Variants in CASZ1 observed in about 807,000 individuals in gnomAD.
CASZ1 encodes castor zinc finger 1, also known as zinc finger protein castor homolog 1.
CASZ1 carries 28 observed loss-of-function variants against 135.2 expected under a neutral mutation model. The ratio of observed to expected loss-of-function variants is 0.21; its 90% CI spans 0.15 to 0.28. CASZ1 has a LOEUF of 0.28. CASZ1 is among the 10% of genes least tolerant of loss of function. The probability of loss-of-function intolerance (pLI) is 1.00; values close to 1 mark genes in which losing one functional copy is unlikely to be tolerated. For synonymous variants in CASZ1, 1,068 were observed against 1,073.4 expected, an observed-to-expected ratio of 0.99 and a Z score of 0.10; for missense variants, 2,161 against 2,453.3, an observed-to-expected ratio of 0.88 and a Z score of 2.52.
intron 15 of CASZ1, chr1:10,648,358 A>T (rs1477489498): frequency 3.5e-5 from 17 of 485,712 alleles, no homozygotes; most frequent in Non-Finnish European, 6.1e-5. Flanking sequence ...CTTGGGCCTA[A>T]CCATGCCTTC....
Position 10,777,330 on chromosome 1 carries a change from G to A in CASZ1, c.-233-16473C>T, listed in dbSNP as rs1308284607. Among the ~76,000 whole-genome samples, 1 of 152,022 alleles carries A rather than the reference G, an allele frequency of 6.6e-6. No homozygotes were observed. The highest frequency in any genetic ancestry group is 1.9e-4 in the East Asian group (1 of 5,184). On this transcript the variant is annotated intron_variant, in intron 1 of 20. Coordinates refer to ENST00000377022, the MANE Select transcript of CASZ1 (RefSeq NM_001079843.3). This position sits in a 1 kb window ranked among gnomAD's most constrained non-coding sequence, Gnocchi z 4.4. ...CACGGAGAGGGGCGTCCGAGTCCTGGGCCAGGCCACCTCTGACCTCTGTGA... is the reference window on the plus strand; with the variant it reads ...CACGGAGAGGGGCGTCCGAGTCCTGAGCCAGGCCACCTCTGACCTCTGTGA...
In CASZ1 at chr1:10,645,047, G is replaced by A; in HGVS notation, c.3738C>T (p.Arg1246=). 1 of 1,614,068 alleles carries A rather than the reference G, an allele frequency of 6.2e-7. No individual in the cohort carries two copies. The highest frequency in any genetic ancestry group is 2.2e-5 in the East Asian group (1 of 44,886). Residue 1246 remains arginine, a synonymous_variant, in exon 18 of 21, where the codon CGC becomes CGT. Coordinates refer to ENST00000377022, the MANE Select transcript of CASZ1 (RefSeq NM_001079843.3). ...TGTTGGTCACAAAATAGCAGCCGGTGCGGAGGCAGTGGTAGTGCCCACGCA... is the reference window on the plus strand; with the variant it reads ...TGTTGGTCACAAAATAGCAGCCGGTACGGAGGCAGTGGTAGTGCCCACGCA... ...FRMRGHYHCL[R]TGCYFVTNIT...
chr1:10,771,922 C>T (rs1427715245), intron 1 of CASZ1, among the ~76,000 whole-genome samples: 2 of 152,208 alleles, frequency 1.3e-5, no homozygotes, highest in African/African-American at 2.4e-5. Flanking sequence ...CCCGTCCCAG[C>T]CCAGTTAGCT....
chr1:10,657,030 G>A lies in CASZ1; in HGVS notation c.1410-294C>T, dbSNP rs569773239. Among the ~76,000 whole-genome samples the A allele has an allele frequency of 2.8e-3, 420 of 152,298 alleles. No individual in the cohort carries two copies. Among genetic ancestry groups the A allele is most frequent in the Non-Finnish European group, 4.8e-3 (325 of 68,006 alleles). ...GGAAGGGAAGGCAGGCGCCCCCTCG[G>A]CTGCCCACCTGTCTTTTCTGCAGGG... On this transcript the variant is annotated intron_variant, in intron 7 of 20. Transcript: ENST00000377022. This position sits in a 1 kb window ranked among gnomAD's most constrained non-coding sequence, Gnocchi z 5.7.
At chr1:10,750,066 T>G (rs540427384) in intron 2 of CASZ1, among the ~76,000 whole-genome samples, 7 of 152,154 alleles carry the variant, frequency 4.6e-5, no homozygotes, top group African/African-American at 1.7e-4. Flanking sequence ...GGGCATTGCA[T>G]GACGAACTGG....
Position 10,767,958 on chromosome 1 carries a change from A to AC in CASZ1, c.-233-7102dup, listed in dbSNP as rs1256430631. The stretch of plus-strand genomic sequence containing the variant: ...CCATTGCAAGGTCTTCCTGGAGCAG[A>AC]CCCCAGACCTGGGACCCCAGACTCC... On this transcript the variant is annotated intron_variant, in intron 1 of 20. Transcript: ENST00000377022. This position sits in a 1 kb window ranked among gnomAD's most constrained non-coding sequence, Gnocchi z 4.2. 1.3e-5 allele frequency among the ~76,000 whole-genome samples: 2 copies of AC among 152,020 alleles called. No homozygotes were observed. The highest frequency in any genetic ancestry group is 2.9e-5 in the Non-Finnish European group (2 of 68,004).
In CASZ1 at chr1:10,654,586, G is replaced by A; in HGVS notation, c.1671C>T (p.Gly557=). ...KSTHYHCMQV[G]CNKVYTSTSD... is the part of the protein sequence containing the mutation. The stretch of plus-strand genomic sequence containing the variant: ...ACGTGCTCGTGTACACCTTGTTACA[G>A]CCCACCTGCACAGGACGGGATGGTG... Residue 557 remains glycine (G), a synonymous_variant, in exon 10 of 21, where the codon GGC becomes GGT. Transcript: ENST00000377022. The A allele has an allele frequency of 6.2e-7, 1 of 1,614,082 alleles. No homozygotes were observed. Among genetic ancestry groups the A allele is most frequent in the South Asian group, 1.1e-5 (1 of 91,064 alleles).
rs750641711 is a variant in CASZ1, at chr1:10,660,492, C to T, written c.550G>A (p.Glu184Lys). ...LRDYAASTMT[E>K]FLGMFGYDDQ... Reference sequence around the variant, plus strand: ...TCATAGCCAAACATGCCGAGGAACTCGGTCATGGTGGAGGCCGCGTAGTCC... The same window carrying T: ...TCATAGCCAAACATGCCGAGGAACTTGGTCATGGTGGAGGCCGCGTAGTCC... The change falls in exon 6 of 21, where the codon GAG becomes AAG. Residue 184 changes from glutamate to lysine, a missense_variant. Around this residue, in one of 7 missense-constraint regions of CASZ1, gnomAD observed 590 missense variants for 609.8 expected, o/e 0.97. Transcript: ENST00000377022. The T allele has an allele frequency of 3.7e-6, 6 of 1,613,834 alleles. No individual in the cohort carries two copies. The highest frequency in any genetic ancestry group is 2.7e-5 in the African/African-American group (2 of 74,928).
chr1:10,647,600 C>G lies in CASZ1; in HGVS notation c.3497+201G>C. Reference sequence around the variant, plus strand: ...TGCCGCCACCATCGGCCCACGCGGGCTGGCCTGCTCTGGGACAGGCAGTGA... The same window carrying G: ...TGCCGCCACCATCGGCCCACGCGGGGTGGCCTGCTCTGGGACAGGCAGTGA... On this transcript the variant is annotated intron_variant, in intron 16 of 20. Coordinates refer to ENST00000377022, the MANE Select transcript of CASZ1 (RefSeq NM_001079843.3). The surrounding 1 kb of genome is among the most constrained non-coding windows in gnomAD (Gnocchi z 4.9). The G allele has an allele frequency of 7.0e-7, 1 of 1,435,728 alleles. No homozygotes were observed. The highest frequency in any genetic ancestry group is 1.5e-5 in the South Asian group (1 of 68,140). 88.9% of individuals were successfully genotyped at this position (1,435,728 alleles called of 1,614,324 possible). A position where few individuals can be genotyped will look rare whatever the true frequency, so the allele number is the denominator to read the frequency against.
In CASZ1 at chr1:10,697,868, G is replaced by A. The variant is rs1011091011; in HGVS notation, c.-23-3956C>T. ...TGCGAACAAGCATGTTCGCACCTGCGAGGGAGTCCGTGTGTTTGCGTGTGA... is the reference window on the plus strand; with the variant it reads ...TGCGAACAAGCATGTTCGCACCTGCAAGGGAGTCCGTGTGTTTGCGTGTGA... On this transcript the variant is annotated intron_variant, in intron 3 of 20. Coordinates refer to ENST00000377022, the MANE Select transcript of CASZ1 (RefSeq NM_001079843.3). This position sits in a 1 kb window ranked among gnomAD's most constrained non-coding sequence, Gnocchi z 4.7. 6.6e-5 allele frequency among the ~76,000 whole-genome samples: 10 copies of A among 152,386 alleles called. No homozygotes were observed. Among genetic ancestry groups the A allele is most frequent in the South Asian group, 2.1e-4 (1 of 4,834 alleles).
At chr1:10,787,490 G>A (rs1164445157) in intron 1 of CASZ1, among the ~76,000 whole-genome samples, 1 of 152,218 alleles carries the variant, frequency 6.6e-6, no homozygotes, top group Non-Finnish European at 1.5e-5. Flanking sequence ...ATAGCGAGCG[G>A]CACAGCTGAG....
Position 10,706,002 on chromosome 1 carries a change from T to G in CASZ1, c.-76-458A>C, listed in dbSNP as rs933729210. Among the ~76,000 whole-genome samples, 1 of 152,110 alleles carries G rather than the reference T, an allele frequency of 6.6e-6. No homozygotes were observed. The highest frequency in any genetic ancestry group is 1.5e-5 in the Non-Finnish European group (1 of 68,008). ...CTCTCTTCCCCGGGGCCCCTGAACA[T>G]AAAAATGACAAATGCCAAACTGTTC... On this transcript the variant is annotated intron_variant, in intron 2 of 20. Transcript: ENST00000377022. This position sits in a 1 kb window ranked among gnomAD's most constrained non-coding sequence, Gnocchi z 4.3.
chr1:10,660,667 G>A, intron 5 of CASZ1, 131 bp from the exon 6 acceptor site: 1 of 645,488 alleles, frequency 1.5e-6, no homozygotes, highest in Non-Finnish European at 2.7e-6. Flanking sequence ...CACGATCTAT[G>A]GACGTTTGGC....
chr1:10,656,414 A>G (rs1172743531), intron 8 of CASZ1, among the ~76,000 whole-genome samples: 1 of 152,216 alleles, frequency 6.6e-6, no homozygotes, highest in Admixed American at 6.5e-5. Context: ...GGGGACTGGA[A>G]TGATCACCAC....
rs1269921589 is a variant in CASZ1, at chr1:10,739,474, C to T, written c.-77+21227G>A. ...GGGCGGTCTGCTCTCACTCCCCTCG[C>T]TGCTCTGTAATTAAGCTCAGCTGCG... On this transcript the variant is annotated intron_variant, in intron 2 of 20. Coordinates refer to ENST00000377022, the MANE Select transcript of CASZ1 (RefSeq NM_001079843.3). This position sits in a 1 kb window ranked among gnomAD's most constrained non-coding sequence, Gnocchi z 4.8. Among the ~76,000 whole-genome samples the T allele has an allele frequency of 6.6e-6, 1 of 152,158 alleles. No individual in the cohort carries two copies. The highest frequency in any genetic ancestry group is 1.5e-5 in the Non-Finnish European group (1 of 68,002).
chr1:10,772,098 G>A (rs1640587385), intron 1 of CASZ1, among the ~76,000 whole-genome samples: 1 of 152,236 alleles, frequency 6.6e-6, no homozygotes, highest in Non-Finnish European at 1.5e-5. Context: ...AACAAGGTGA[G>A]GAGACCTGGA....
rs1181875253 is a variant in CASZ1 at position 10,676,232 on chromosome 1, G to A, written c.17-10661C>T. 6.6e-6 allele frequency among the ~76,000 whole-genome samples: 1 copy of A among 152,122 alleles called. No individual in the cohort carries two copies. Among genetic ancestry groups the A allele is most frequent in the African/African-American group, 2.4e-5 (1 of 41,432 alleles). ...AAGTGACAGACACCAAGGCCCTGCT[G>A]GACTGGCCCGGACCCCCGTCCCCCA... On this transcript the variant is annotated intron_variant, in intron 4 of 20. Transcript: ENST00000377022. The surrounding 1 kb of genome is among the most constrained non-coding windows in gnomAD (Gnocchi z 4.5).
chr1:10,640,692 G>GC (rs970545652), intron 20 of CASZ1, among the ~76,000 whole-genome samples: 14 of 152,326 alleles, frequency 9.2e-5, no homozygotes, highest in African/African-American at 3.4e-4. Context: ...GGAGAGGGCA[G>GC]CCCTGATGGA....
chr1:10,664,216 A>T (rs1006384273), intron 5 of CASZ1, among the ~76,000 whole-genome samples: 35 of 152,192 alleles, frequency 2.3e-4, no homozygotes, highest in African/African-American at 7.2e-4. Context: ...GGGAAGGGCT[A>T]GGGGAGCGGG....
Sources: gnomAD v4.1 joint callset for allele counts (sites outside exome capture counted in the v4.1 genomes callset) on GRCh38, gnomAD v4.1.1 for gene constraint, gnomAD v4.1.1 regional missense constraint, Gnocchi (gnomAD v3.1) non-coding constraint, MANE v1.5 for transcripts, NCBI Gene and HGNC (gene_info 2026-07-23, HGNC 2026-07-21) for gene names.